Variants in HDAC9 observed in about 807,000 individuals in gnomAD.
HDAC9 encodes the protein histone deacetylase 9, also known as MEF-2 interacting transcription repressor (MITR) protein.
In HDAC9, 41 loss-of-function variants were observed where a neutral mutation model predicts 139.4. The observed-to-expected ratio is 0.29, with a 90% CI of 0.23 to 0.38. HDAC9 has a LOEUF of 0.38. HDAC9 is among the 10% of genes least tolerant of loss of function. The probability of loss-of-function intolerance (pLI) is 1.00; values close to 1 mark genes in which losing one functional copy is unlikely to be tolerated. For synonymous variants in HDAC9, 517 were observed against 476.2 expected (o/e 1.09, Z -1.12); for missense variants, 1,147 against 1,297.0 (o/e 0.88, Z 1.78).
intron 2 of HDAC9, among the ~76,000 whole-genome samples, chr7:18,506,348 A>G (rs1034372301): frequency 1.3e-5 from 2 of 152,204 alleles, no homozygotes; most frequent in African/African-American, 2.4e-5. Context: ...CAAGAGACAC[A>G]CAGGGTTTAT....
intron 1 of HDAC9, among the ~76,000 whole-genome samples, chr7:18,485,113 GT>G (rs756850084): frequency 2.6e-5 from 4 of 152,136 alleles, no homozygotes; most frequent in Admixed American, 6.6e-5. Flanking sequence ...GAAAACATTA[GT>G]TGGGGGGAAC....
intron 11 of HDAC9, among the ~76,000 whole-genome samples, chr7:18,650,661 C>A (rs952746502): frequency 6.6e-6 from 1 of 152,134 alleles, no homozygotes; most frequent in Non-Finnish European, 1.5e-5. Context: ...TTATCAGAGA[C>A]CTTTTCCCAT....
intron 1 of HDAC9, among the ~76,000 whole-genome samples, chr7:18,392,244 T>C (rs899663499): frequency 6.6e-6 from 1 of 151,732 alleles, no homozygotes; most frequent in Non-Finnish European, 1.5e-5. Context: ...TACATGATTA[T>C]ACATTCTCTT....
intron 1 of HDAC9, among the ~76,000 whole-genome samples, chr7:18,121,675 C>T (rs1007975703): frequency 3.3e-5 from 5 of 152,060 alleles, no homozygotes; most frequent in South Asian, 2.1e-4. Context: ...TCAAGTTAAC[C>T]GAAAGAATGA....
At chr7:18,353,437 G>T (rs187598521) in intron 1 of HDAC9, among the ~76,000 whole-genome samples, 1 of 152,222 alleles carries the variant, frequency 6.6e-6, no homozygotes, top group African/African-American at 2.4e-5. Flanking sequence ...TCATGACATA[G>T]TCTTGTTATA....
At chr7:18,731,417 A>C (rs2129132250) in intron 13 of HDAC9, among the ~76,000 whole-genome samples, 1 of 152,310 alleles carries the variant, frequency 6.6e-6, no homozygotes, top group African/African-American at 2.4e-5. Context: ...CAAAAGTCAC[A>C]TAATTTTCAA....
At chr7:18,621,168 C>T (rs1249361585) in intron 6 of HDAC9, among the ~76,000 whole-genome samples, 3 of 151,496 alleles carry the variant, frequency 2.0e-5, no homozygotes, top group Non-Finnish European at 4.4e-5. Context: ...ATAATAAATG[C>T]AATAATTTTA....
intron 17 of HDAC9, among the ~76,000 whole-genome samples, chr7:18,801,568 A>T (rs1793289870): frequency 6.6e-6 from 1 of 152,058 alleles, no homozygotes; most frequent in Admixed American, 6.6e-5. Flanking sequence ...AAGACCCATC[A>T]ATCTAGTGCA....
rs562435282 is a variant in HDAC9, at chr7:18,413,852, T to C, written c.-41-82410T>C. On this transcript the variant is annotated intron_variant, in intron 1 of 3. Coordinates refer to the HDAC9 transcript ENST00000413509. Reference sequence around the variant, plus strand: ...TTAGCATTTGGGCATTAGCTAATAATGATTAACTCTGTGGTAGGTGCTATA... The same window carrying C: ...TTAGCATTTGGGCATTAGCTAATAACGATTAACTCTGTGGTAGGTGCTATA... Among the ~76,000 whole-genome samples, 15 of 152,260 alleles carry C rather than the reference T, an allele frequency of 9.9e-5. No homozygotes were observed. The South Asian group carries it at 2.7e-3, about 27-fold the overall frequency.
At chr7:18,111,660 G>A (rs560339653) in intron 1 of HDAC9, among the ~76,000 whole-genome samples, 199 of 152,132 alleles carry the variant, frequency 1.3e-3, no homozygotes, top group African/African-American at 4.8e-3. Context: ...TTTTCAACTT[G>A]TATTTTTATA....
chr7:18,880,229 C>T (rs1799629520), intron 22 of HDAC9, among the ~76,000 whole-genome samples: 1 of 152,122 alleles, frequency 6.6e-6, no homozygotes, highest in East Asian at 1.9e-4. Context: ...TTAGTTCAGC[C>T]ATTGTGGAAA....
chr7:18,422,150 CA>C (rs1789679587), intron 1 of HDAC9, among the ~76,000 whole-genome samples: 1 of 152,162 alleles, frequency 6.6e-6, no homozygotes, highest in African/African-American at 2.4e-5. Flanking sequence ...ATTCTCCCTC[CA>C]AGCACACTAA....
intron 21 of HDAC9, among the ~76,000 whole-genome samples, chr7:18,858,684 C>G (rs1797871230): frequency 6.6e-6 from 1 of 152,126 alleles, no homozygotes; most frequent in Non-Finnish European, 1.5e-5. Flanking sequence ...TCTAACTAGT[C>G]AGAGTATATT....
At chr7:18,215,789 A>G (rs1459702231) in intron 2 of HDAC9, among the ~76,000 whole-genome samples, 1 of 152,286 alleles carries the variant, frequency 6.6e-6, no homozygotes, top group Middle Eastern at 3.4e-3. Flanking sequence ...TGAAGAAAAG[A>G]TAAGCATTGG....
intron 3 of HDAC9, among the ~76,000 whole-genome samples, chr7:18,590,071 T>C (rs1239696405): frequency 2.0e-5 from 3 of 152,144 alleles, no homozygotes; most frequent in Non-Finnish European, 4.4e-5. Flanking sequence ...TTAAAGGAAA[T>C]GGGAAGACCT....
intron 2 of HDAC9, among the ~76,000 whole-genome samples, chr7:18,516,154 G>A (rs904029944): frequency 5.3e-5 from 8 of 152,004 alleles, no homozygotes; most frequent in African/African-American, 7.3e-5. Context: ...TCCTGCCTGC[G>A]GGCCTCTTTC....
At chr7:18,216,541 C>T (rs532774855) in intron 2 of HDAC9, among the ~76,000 whole-genome samples, 31 of 151,930 alleles carry the variant, frequency 2.0e-4, no homozygotes, top group African/African-American at 7.5e-4. Flanking sequence ...ATAGAACTAC[C>T]CTGGCCTATG....
chr7:18,197,274 A>C (rs1790792570), intron 2 of HDAC9, among the ~76,000 whole-genome samples: 1 of 152,322 alleles, frequency 6.6e-6, no homozygotes, highest in Admixed American at 6.5e-5. Flanking sequence ...AACCCTGACT[A>C]ATACGCGTAG....
At chr7:18,355,891 G>A (rs927777865) in intron 1 of HDAC9, among the ~76,000 whole-genome samples, 6 of 152,082 alleles carry the variant, frequency 3.9e-5, no homozygotes, top group Non-Finnish European at 8.8e-5. Flanking sequence ...AAGTAGACTC[G>A]TGATTTCCAA....
Sources: gnomAD v4.1 joint callset for allele counts (sites outside exome capture counted in the v4.1 genomes callset) on GRCh38, gnomAD v4.1.1 for gene constraint, MANE v1.5 for transcripts, NCBI Gene and HGNC (gene_info 2026-07-23, HGNC 2026-07-21) for gene names.